Variants in PEX3 observed in about 807,000 individuals in gnomAD.
PEX3 encodes peroxin-3.
Under a neutral mutation model 55.8 loss-of-function variants are expected in PEX3, and 30 were observed. The observed-to-expected ratio is 0.54, with a 90% confidence interval of 0.40 to 0.73. The LOEUF (loss-of-function observed/expected upper bound fraction) is 0.73. Among genes scored for constraint, PEX3 ranks in the 30% least tolerant of loss-of-function variants. The probability of loss-of-function intolerance (pLI) is 0.00; values close to 1 mark genes in which losing one functional copy is unlikely to be tolerated. For synonymous variants in PEX3, 135 were observed against 148.4 expected (o/e 0.91, Z 0.66); for missense variants, 351 against 432.8 (o/e 0.81, Z 1.68).
rs941725124 is a variant in PEX3 at position 143,478,611 on chromosome 6, C to A, written c.819-465C>A. On this transcript the variant is annotated intron_variant, in intron 9 of 11. Coordinates refer to ENST00000367591, the MANE Select transcript of PEX3 (RefSeq NM_003630.3). ...GGAACTAAGAGAGTATAATTAAGAT[C>A]AAAAAACCCCGGTCTCATGTTTGAG... Among the ~76,000 whole-genome samples the A allele has an allele frequency of 6.6e-5, 10 of 151,918 alleles. No homozygotes were observed. The East Asian group carries it at 1.2e-3, about 18-fold the overall frequency.
At chr6:143,473,324 G>A (rs1780100370) in intron 8 of PEX3, among the ~76,000 whole-genome samples, 1 of 152,086 alleles carries the variant, frequency 6.6e-6, no homozygotes, top group South Asian at 2.1e-4. Context: ...CAGAACAGAT[G>A]GAACAGAATT....
rs2128747459 is a variant in PEX3 at position 143,479,107 on chromosome 6, T to G, written c.850T>G (p.Leu284Val). The change falls in exon 10 of 12, where the codon TTA (leucine) becomes GTA (valine). Residue 284 changes from leucine (L) to valine (V), a missense_variant. Transcript: ENST00000367591. This position sits in a 1 kb window ranked among gnomAD's most constrained non-coding sequence, Gnocchi z 4.6. ...PDFSTVLNTC[L>V]NRGFSRLLDN... is the part of the protein sequence containing the mutation. ...TTTTAGTACAGTTTTGAATACCTGTTTAAACCGAGGTTTTAGTAGACTTCT... is the reference window on the plus strand; with the variant it reads ...TTTTAGTACAGTTTTGAATACCTGTGTAAACCGAGGTTTTAGTAGACTTCT... The G allele has an allele frequency of 1.3e-6, 2 of 1,589,974 alleles. No homozygotes were observed. Among genetic ancestry groups the G allele is most frequent in the Non-Finnish European group, 1.7e-6 (2 of 1,158,264 alleles).
At position 143,462,989 on chromosome 6, in the gene PEX3, A is replaced by T. The variant is rs749239867; in HGVS notation, c.279A>T (p.Leu93=). Residue 93 remains leucine (L), a synonymous_variant, in exon 3 of 12, where the codon CTA becomes CTT. Coordinates refer to ENST00000367591, the MANE Select transcript of PEX3 (RefSeq NM_003630.3). The surrounding 1 kb of genome is among the most constrained non-coding windows in gnomAD (Gnocchi z 4.1). ...QLNSESLTAL[L]KNRPSNKLEI... ...ATTCCGAGAGCCTCACAGCTCTGCT[A>T]AAAAACAGGTAAATGCAAGTTACAG... 6.2e-7 allele frequency: 1 copy of T among 1,611,472 alleles called. No homozygotes were observed. Among genetic ancestry groups the T allele is most frequent in the Admixed American group, 1.7e-5 (1 of 59,978 alleles).
chr6:143,484,385 G>C (rs1325716056), intron 10 of PEX3, among the ~76,000 whole-genome samples: 1 of 152,042 alleles, frequency 6.6e-6, no homozygotes, highest in Non-Finnish European at 1.5e-5. Context: ...AAGTGCCAAG[G>C]ATTTTCAAAA....
chr6:143,452,140 A>G (rs562483948), intron 1 of PEX3, among the ~76,000 whole-genome samples: 32 of 152,326 alleles, frequency 2.1e-4, no homozygotes, highest in African/African-American at 7.2e-4. Flanking sequence ...AACAATTTGC[A>G]ATTAATACCT....
rs1465272856 is a variant in PEX3, at chr6:143,476,254, G to A, written c.818+1398G>A. Among the ~76,000 whole-genome samples the A allele has an allele frequency of 1.3e-5, 2 of 152,218 alleles. No individual in the cohort carries two copies. The highest frequency in any genetic ancestry group is 2.4e-5 in the African/African-American group (1 of 41,454). Reference sequence around the variant, plus strand: ...TGGCCTGTTCAAGGAATAGCAAGGAGGCCATTGTTGGCTGGAGCACAGTGA... The same window carrying A: ...TGGCCTGTTCAAGGAATAGCAAGGAAGCCATTGTTGGCTGGAGCACAGTGA... On this transcript the variant is annotated intron_variant, in intron 9 of 11. Transcript: ENST00000367591. The surrounding 1 kb of genome is among the most constrained non-coding windows in gnomAD (Gnocchi z 5.4).
At chr6:143,484,137 G>T (rs953007434) in intron 10 of PEX3, among the ~76,000 whole-genome samples, 3 of 152,096 alleles carry the variant, frequency 2.0e-5, no homozygotes, top group Non-Finnish European at 4.4e-5. Flanking sequence ...CATATTTAAT[G>T]TAATAAGACT....
rs1248133907 is a variant in PEX3 at position 143,475,981 on chromosome 6, G to A, written c.818+1125G>A. On this transcript the variant is annotated intron_variant, in intron 9 of 11. Coordinates refer to ENST00000367591, the MANE Select transcript of PEX3 (RefSeq NM_003630.3). The surrounding 1 kb of genome is among the most constrained non-coding windows in gnomAD (Gnocchi z 4.4). ...TCCCTACTGGAATGTGTATGTTAGT[G>A]GGAGAGAAAAATAATCAACTAATAA... 6.6e-6 allele frequency among the ~76,000 whole-genome samples: 1 copy of A among 152,168 alleles called. No individual in the cohort carries two copies. Among genetic ancestry groups the A allele is most frequent in the Non-Finnish European group, 1.5e-5 (1 of 68,032 alleles).
At position 143,457,954 on chromosome 6, in the gene PEX3, G is replaced by A. The variant is rs530383461; in HGVS notation, c.74-1131G>A. Reference sequence around the variant, plus strand: ...GCTAAGGATCCCAGGCAAAGGTGAAGGACTTGCTTGATTTGTATATTCTAG... The same window carrying A: ...GCTAAGGATCCCAGGCAAAGGTGAAAGACTTGCTTGATTTGTATATTCTAG... On this transcript the variant is annotated intron_variant, in intron 1 of 11. Transcript: ENST00000367591. Among the ~76,000 whole-genome samples, 6 of 152,286 alleles carry A rather than the reference G, an allele frequency of 3.9e-5. No homozygotes were observed. In the South Asian group the frequency reaches 1.0e-3, roughly 26 times the overall value.
In PEX3 at chr6:143,479,267, G is replaced by A. The variant is rs1261758946; in HGVS notation, c.941+69G>A. On this transcript the variant is annotated intron_variant, in intron 10 of 11. Transcript: ENST00000367591. The surrounding 1 kb of genome is among the most constrained non-coding windows in gnomAD (Gnocchi z 4.6). Reference sequence around the variant, plus strand: ...AAAATGGTGCTTTGCTTGTCTTTTTGTTCCAGATAACAACAACAAACCTAT... The same window carrying A: ...AAAATGGTGCTTTGCTTGTCTTTTTATTCCAGATAACAACAACAAACCTAT... 8.0e-7 allele frequency: 1 copy of A among 1,244,836 alleles called. No homozygotes were observed. The highest frequency in any genetic ancestry group is 1.5e-5 in the African/African-American group (1 of 67,604). 77.1% of individuals were successfully genotyped at this position (1,244,836 alleles called of 1,614,324 possible). A position where few individuals can be genotyped will look rare whatever the true frequency, so the allele number is the denominator to read the frequency against.
At chr6:143,484,769 AG>A (rs997413717) in intron 10 of PEX3, among the ~76,000 whole-genome samples, 7 of 152,116 alleles carry the variant, frequency 4.6e-5, no homozygotes, top group African/African-American at 1.7e-4. Context: ...GCCCAACTCT[AG>A]GGAACTCATG....
chr6:143,489,025 T>C lies in PEX3; in HGVS notation c.1039-118T>C. On this transcript the variant is annotated intron_variant, in intron 11 of 11. Transcript: ENST00000367591. This position sits in a 1 kb window ranked among gnomAD's most constrained non-coding sequence, Gnocchi z 5.5. ...AAAAACTACTCATTTTCTTAAATGG[T>C]TTGCCTCTTGGCCTTTACCACAAAA... is the stretch of plus-strand genomic sequence containing the variant. 2 of 714,530 alleles carry C rather than the reference T, an allele frequency of 2.8e-6. No homozygotes were observed. The highest frequency in any genetic ancestry group is 3.0e-5 in the South Asian group (2 of 65,624). 44.3% of individuals were successfully genotyped at this position (714,530 alleles called of 1,614,324 possible). A position where few individuals can be genotyped will look rare whatever the true frequency, so the allele number is the denominator to read the frequency against.
Position 143,476,736 on chromosome 6 carries a change from TATCCAAG to T in PEX3, c.818+1881_818+1887del, listed in dbSNP as rs1276677285. Among the ~76,000 whole-genome samples the T allele has an allele frequency of 6.6e-6, 1 of 152,230 alleles. No individual in the cohort carries two copies. The highest frequency in any genetic ancestry group is 1.5e-5 in the Non-Finnish European group (1 of 68,044). ...ATTTACATTTTGGCAGTGTTAAGCA[TATCCAAG>T]TGGATATGCCTATTGGCAATTGAAT... is the stretch of plus-strand genomic sequence containing the variant. On this transcript the variant is annotated intron_variant, in intron 9 of 11. Transcript: ENST00000367591. The surrounding 1 kb of genome is among the most constrained non-coding windows in gnomAD (Gnocchi z 5.4).
rs144787888 is a variant in PEX3, at chr6:143,482,399, C to T, written c.942-2753C>T. ...GGGGACAGACTTTATACTTAGAAACCCAAGAGAGTCAACTAAAAAGTGTAA... is the reference window on the plus strand; with the variant it reads ...GGGGACAGACTTTATACTTAGAAACTCAAGAGAGTCAACTAAAAAGTGTAA... On this transcript the variant is annotated intron_variant, in intron 10 of 11. Coordinates refer to ENST00000367591, the MANE Select transcript of PEX3 (RefSeq NM_003630.3). This position sits in a 1 kb window ranked among gnomAD's most constrained non-coding sequence, Gnocchi z 5.5. Among the ~76,000 whole-genome samples, 120 of 151,556 alleles carry T rather than the reference C, an allele frequency of 7.9e-4. 4 individuals are homozygous for T. The East Asian group carries it at 0.023, about 29-fold the overall frequency.
rs1338984571 is a variant in PEX3, at chr6:143,451,510, A to G, written c.73+395A>G. ...TACTTTGGCTCTCACCCTTCTCAGG[A>G]GTTTAATAATAATCTAGGGAAGTTA... On this transcript the variant is annotated intron_variant, in intron 1 of 11. Coordinates refer to ENST00000367591, the MANE Select transcript of PEX3 (RefSeq NM_003630.3). This position sits in a 1 kb window ranked among gnomAD's most constrained non-coding sequence, Gnocchi z 4.1. 1.3e-5 allele frequency among the ~76,000 whole-genome samples: 2 copies of G among 152,172 alleles called. No homozygotes were observed. The highest frequency in any genetic ancestry group is 1.5e-5 in the Non-Finnish European group (1 of 68,032).
intron 4 of PEX3, among the ~76,000 whole-genome samples, chr6:143,469,120 G>A (rs1780035683): frequency 1.3e-5 from 2 of 152,170 alleles, no homozygotes; most frequent in Admixed American, 6.5e-5. Flanking sequence ...ATTGTGAATA[G>A]TGCTGCAATA....
In PEX3 at chr6:143,453,985, T is replaced by G. The variant is rs1343790407; in HGVS notation, c.73+2870T>G. On this transcript the variant is annotated intron_variant, in intron 1 of 11. Transcript: ENST00000367591. The surrounding 1 kb of genome is among the most constrained non-coding windows in gnomAD (Gnocchi z 4.6). ...AAGGACCCTCAAAAGCTTTCTAAAT[T>G]TTATATCTATTAATAGTTATGATAT... 6.6e-6 allele frequency among the ~76,000 whole-genome samples: 1 copy of G among 152,104 alleles called. No homozygotes were observed. Among genetic ancestry groups the G allele is most frequent in the Non-Finnish European group, 1.5e-5 (1 of 67,996 alleles).
chr6:143,459,134 G>A lies in PEX3; in HGVS notation c.123G>A (p.Gln41=), dbSNP rs1779885215. Residue 41 remains glutamine (Q), a synonymous_variant, in exon 2 of 12, where the codon CAG becomes CAA. Transcript: ENST00000367591. The surrounding 1 kb of genome is among the most constrained non-coding windows in gnomAD (Gnocchi z 4.2). ...KYGQKKIREI[Q]EREAAEYIAQ... is the part of the protein sequence containing the mutation. Reference sequence around the variant, plus strand: ...GACAGAAGAAAATCAGAGAAATACAGGAAAGGGAGGCTGCAGAATACATTG... The same window carrying A: ...GACAGAAGAAAATCAGAGAAATACAAGAAAGGGAGGCTGCAGAATACATTG... 3 of 1,604,586 alleles carry A rather than the reference G, an allele frequency of 1.9e-6. No individual in the cohort carries two copies. Among genetic ancestry groups the A allele is most frequent in the South Asian group, 2.2e-5 (2 of 90,894 alleles).
chr6:143,489,151 G>A lies in PEX3; in HGVS notation c.1047G>A (p.Leu349=), dbSNP rs758008364. Residue 349 remains leucine (L), a synonymous_variant, in exon 12 of 12, where the codon TTG becomes TTA. Transcript: ENST00000367591. This position sits in a 1 kb window ranked among gnomAD's most constrained non-coding sequence, Gnocchi z 5.5. The part of the protein sequence containing the change: ...ETPSHFVQDL[L]TMEQVKDFAA... ...ATTATCATCTTTGCTAGGATCTGTT[G>A]ACAATGGAGCAAGTGAAAGACTTTG... 3.1e-6 allele frequency: 5 copies of A among 1,601,148 alleles called. No individual in the cohort carries two copies. The highest frequency in any genetic ancestry group is 3.3e-5 in the Admixed American group (2 of 59,956).
Sources: allele counts gnomAD v4.1 joint callset (sites outside exome capture counted in the v4.1 genomes callset), GRCh38; gene constraint gnomAD v4.1.1; non-coding constraint Gnocchi (gnomAD v3.1); transcripts MANE v1.5; gene names NCBI Gene and HGNC (gene_info 2026-07-23, HGNC 2026-07-21).